Variants in SDC2 observed in about 807,000 individuals in gnomAD.
SDC2 encodes the protein syndecan 2.
In SDC2, 13 loss-of-function variants were observed where a neutral mutation model predicts 22.2. That is an observed-to-expected ratio of 0.59 (90% CI 0.38 to 0.93). SDC2 has a LOEUF of 0.93. SDC2 is among the 40% of genes least tolerant of loss of function. The pLI is 0.00. For missense variants in SDC2, 235 were observed against 246.8 expected, an observed-to-expected ratio of 0.95 and a Z score of 0.32; for synonymous variants, 94 against 92.8, an observed-to-expected ratio of 1.01 and a Z score of -0.07.
intron 1 of SDC2, among the ~76,000 whole-genome samples, chr8:96,550,717 A>ATG (rs1814013059): frequency 6.6e-6 from 1 of 152,180 alleles, no homozygotes; most frequent in South Asian, 2.1e-4. Flanking sequence ...CAAATCAGAA[A>ATG]TGTTCTATTT....
At chr8:96,530,505 G>A (rs1465690433) in intron 1 of SDC2, among the ~76,000 whole-genome samples, 1 of 152,074 alleles carries the variant, frequency 6.6e-6, no homozygotes, top group African/African-American at 2.4e-5. Flanking sequence ...GTGTTAGCGG[G>A]TGCCTGTAAT....
At chr8:96,524,992 G>T (rs904034758) in intron 1 of SDC2, among the ~76,000 whole-genome samples, 1 of 152,184 alleles carries the variant, frequency 6.6e-6, no homozygotes, top group African/African-American at 2.4e-5. Context: ...GGGTTACATG[G>T]ATCTCCATAT....
chr8:96,514,434 G>A (rs541133080), intron 1 of SDC2, among the ~76,000 whole-genome samples: 8 of 152,154 alleles, frequency 5.3e-5, no homozygotes, highest in Non-Finnish European at 8.8e-5. Context: ...TCACTTATCC[G>A]CACTTTGACC....
At chr8:96,536,566 C>T (rs1053929774) in intron 1 of SDC2, among the ~76,000 whole-genome samples, 1 of 152,206 alleles carries the variant, frequency 6.6e-6, no homozygotes, top group Non-Finnish European at 1.5e-5. Context: ...AAGCAGTCCC[C>T]CTCCCTTGGC....
chr8:96,583,390 A>ATGTG (rs1491431280), intron 1 of SDC2, among the ~76,000 whole-genome samples: 2 of 30,740 alleles, frequency 6.5e-5, no homozygotes, highest in African/African-American at 9.5e-5. Flanking sequence ...TATATATGAC[A>ATGTG]TATGTGTGTG....
Position 96,609,622 on chromosome 8 carries a change from G to T in SDC2, c.*74G>T. ...TAAAGCTTTTGCATAGAATAATGAA[G>T]ATCTTTGTTTTTTGTTTTCATTAAA... is the stretch of plus-strand genomic sequence containing the variant. On this transcript the variant is annotated 3_prime_UTR_variant, in exon 5 of 5. Transcript: ENST00000302190. The T allele has an allele frequency of 9.1e-7, 1 of 1,098,868 alleles. No homozygotes were observed. The highest frequency in any genetic ancestry group is 1.2e-6 in the Non-Finnish European group (1 of 810,554). 68.1% of individuals were successfully genotyped at this position (1,098,868 alleles called of 1,614,324 possible).
intron 1 of SDC2, among the ~76,000 whole-genome samples, chr8:96,527,916 A>C (rs1216698818): frequency 1.3e-5 from 2 of 152,240 alleles, no homozygotes; most frequent in Non-Finnish European, 2.9e-5. Flanking sequence ...CATGTGTGAT[A>C]TATTTATAAT....
At chr8:96,568,821 A>T (rs1446537776) in intron 1 of SDC2, among the ~76,000 whole-genome samples, 1 of 152,210 alleles carries the variant, frequency 6.6e-6, no homozygotes. Flanking sequence ...TGGTAGGGAA[A>T]CAGGTAAATG....
chr8:96,526,110 G>T (rs1813573614), intron 1 of SDC2, among the ~76,000 whole-genome samples: 1 of 152,172 alleles, frequency 6.6e-6, no homozygotes, highest in African/African-American at 2.4e-5. Context: ...TGCAGGGCCA[G>T]GTATGTTTTA....
chr8:96,505,832 T>C (rs547901615), intron 1 of SDC2, among the ~76,000 whole-genome samples: 1 of 152,318 alleles, frequency 6.6e-6, no homozygotes, highest in African/African-American at 2.4e-5. Context: ...AGGACAAAGC[T>C]CTATGTTGGT....
chr8:96,585,816 A>G (rs1005074748), intron 1 of SDC2, among the ~76,000 whole-genome samples: 1 of 151,766 alleles, frequency 6.6e-6, no homozygotes, highest in African/African-American at 2.4e-5. Flanking sequence ...AATCATGACT[A>G]CAAGTTTAGA....
At chr8:96,557,556 A>G (rs1365374234) in intron 1 of SDC2, among the ~76,000 whole-genome samples, 3 of 148,196 alleles carry the variant, frequency 2.0e-5, no homozygotes, top group Admixed American at 2.0e-4. Flanking sequence ...ATTCTCACTC[A>G]TAGGTGGGAA....
intron 1 of SDC2, among the ~76,000 whole-genome samples, chr8:96,533,612 C>CA (rs1220565146): frequency 6.6e-6 from 1 of 150,932 alleles, no homozygotes; most frequent in African/African-American, 2.5e-5. Context: ...GAGCTAGACA[C>CA]AGAGTGCTGA....
At chr8:96,518,361 GTTT>G (rs35449864) in intron 1 of SDC2, among the ~76,000 whole-genome samples, 5 of 125,200 alleles carry the variant, frequency 4.0e-5, no homozygotes, top group Non-Finnish European at 3.5e-5. Context: ...ACCTTGAGAG[GTTT>G]TTTTTTTTTT....
intron 1 of SDC2, among the ~76,000 whole-genome samples, chr8:96,561,944 C>T (rs547151041): frequency 2.6e-5 from 4 of 152,260 alleles, no homozygotes; most frequent in African/African-American, 9.6e-5. Flanking sequence ...TAGTCTGTGA[C>T]TTGTCTTCTC....
chr8:96,540,179 C>A (rs1303050597), intron 1 of SDC2, among the ~76,000 whole-genome samples: 1 of 151,352 alleles, frequency 6.6e-6, no homozygotes, highest in African/African-American at 2.4e-5. Flanking sequence ...AAAGCCCCCC[C>A]GCCCCGCCAG....
At chr8:96,498,083 G>A (rs1475346449) in intron 1 of SDC2, among the ~76,000 whole-genome samples, 1 of 152,112 alleles carries the variant, frequency 6.6e-6, no homozygotes, top group Non-Finnish European at 1.5e-5. Flanking sequence ...TAATCATTTG[G>A]ATTTAAATCT....
intron 1 of SDC2, among the ~76,000 whole-genome samples, chr8:96,540,355 T>TATATATATATAA (rs1273342675): frequency 1.4e-5 from 2 of 147,154 alleles, no homozygotes; most frequent in Non-Finnish European, 3.0e-5. Context: ...TATATATATA[T>TATATATATATAA]AAAAATTAGT....
chr8:96,600,941 A>T (rs542700350), intron 2 of SDC2, among the ~76,000 whole-genome samples: 44 of 152,304 alleles, frequency 2.9e-4, no homozygotes, highest in Admixed American at 2.2e-3. Flanking sequence ...GACATTGTGG[A>T]CATGGATGAG....
Sources: allele counts gnomAD v4.1 joint callset (sites outside exome capture counted in the v4.1 genomes callset), GRCh38; gene constraint gnomAD v4.1.1; transcripts MANE v1.5; gene names NCBI Gene and HGNC (gene_info 2026-07-23, HGNC 2026-07-21).